SPACA1: variants seen among roughly 807,000 people sequenced by gnomAD.
SPACA1 encodes sperm acrosome associated 1.
In SPACA1, 17 loss-of-function variants were observed where a neutral mutation model predicts 32.6. The observed-to-expected ratio is 0.52, with a 90% CI of 0.36 to 0.78. SPACA1 has a LOEUF of 0.78. Ranked by LOEUF, SPACA1 falls within the 30% of genes least tolerant of loss-of-function variation. The pLI is 0.01. For synonymous variants in SPACA1, 140 were observed against 138.1 expected (o/e 1.01, Z -0.10); for missense variants, 363 against 373.4 (o/e 0.97, Z 0.23).
At chr6:88,058,866 T>G (rs768060792) in intron 4 of SPACA1, 44 bp downstream of exon 4, 5 of 1,353,498 alleles carry the variant, frequency 3.7e-6, no homozygotes, top group Non-Finnish European at 3.1e-6. Flanking sequence ...TAGTGAGTGA[T>G]AAAATTTGTT....
chr6:88,066,208 CA>C lies in SPACA1; in HGVS notation c.762del (p.Ala255ProfsTer13). The C allele has an allele frequency of 6.3e-7, 1 of 1,598,590 alleles. No individual in the cohort carries two copies. On this transcript the variant is annotated frameshift_variant, in exon 7 of 7. Coordinates refer to ENST00000237201, the MANE Select transcript of SPACA1 (RefSeq NM_030960.3). LOFTEE classifies it high-confidence loss of function. ...GCAGCAGTCAAGGCTTTCTGGGGGG[CA>C]AAAGCCTCTACACCTGAGGTACAAT... ...NWAAVKAFWGAKASTPEVQSE... is the reference protein window; with the variant it reads ...NWAAVKAFWGXKASTPEVQSE...
chr6:88,064,234 G>A lies in SPACA1; in HGVS notation c.731+15G>A. The A allele has an allele frequency of 6.2e-7, 1 of 1,604,000 alleles. No individual in the cohort carries two copies. On this transcript the variant is annotated intron_variant, in intron 6 of 6. Transcript: ENST00000237201. ...ATCATAAATTGGTAGGTGAATAGTG[G>A]AATGCATCATCACCCTTGATTGACA...
At chr6:88,056,693 G>A (rs1379149528) in intron 2 of SPACA1, among the ~76,000 whole-genome samples, 4 of 152,114 alleles carry the variant, frequency 2.6e-5, no homozygotes, top group Admixed American at 2.0e-4. Flanking sequence ...ATCGTAGAGG[G>A]GCTGGAAGAG....
rs1167130734 is a variant in SPACA1, at chr6:88,059,540, A to G, written c.562A>G (p.Asn188Asp). 2 of 1,613,696 alleles carry G rather than the reference A, an allele frequency of 1.2e-6. No homozygotes were observed. The highest frequency in any genetic ancestry group is 1.7e-6 in the Non-Finnish European group (2 of 1,179,804). Residue 188 changes from asparagine to aspartate, a missense_variant, in exon 5 of 7, where the codon AAT becomes GAT. Asn to Asp is a conservative substitution (Grantham distance 23, BLOSUM62 1). Transcript: ENST00000237201. ...GGCTTTCGAGTGTGACACACTGGATAATAATGAAATAGTAGCAACTATTAA... is the reference window on the plus strand; with the variant it reads ...GGCTTTCGAGTGTGACACACTGGATGATAATGAAATAGTAGCAACTATTAA... The part of the protein sequence containing the change: ...PLAFECDTLD[N>D]NEIVATIKFT...
chr6:88,055,408 G>T (rs1355918652), intron 2 of SPACA1, among the ~76,000 whole-genome samples: 1 of 152,092 alleles, frequency 6.6e-6, no homozygotes. Context: ...AACATGTAAT[G>T]TATCAGATGG....
chr6:88,052,532 G>A (rs1447559059), intron 1 of SPACA1, among the ~76,000 whole-genome samples: 1 of 152,152 alleles, frequency 6.6e-6, no homozygotes, highest in African/African-American at 2.4e-5. Context: ...GGTGCTTACT[G>A]AGTATGCAAG....
chr6:88,062,324 A>C (rs530688915), intron 5 of SPACA1, among the ~76,000 whole-genome samples: 1 of 152,324 alleles, frequency 6.6e-6, no homozygotes, highest in African/African-American at 2.4e-5. Flanking sequence ...GTACTTATCA[A>C]AATCAAAGTA....
rs1775768728 is a variant in SPACA1 at position 88,053,982 on chromosome 6, G to T, written c.245G>T (p.Gly82Val). Reference sequence around the variant, plus strand: ...AATGTCGTCAAAGAAGTAGAATTCGGAATGTGCACCGTTACATGTGGTAAG... The same window carrying T: ...AATGTCGTCAAAGAAGTAGAATTCGTAATGTGCACCGTTACATGTGGTAAG... ...NRNVVKEVEFGMCTVTCGIGV... is the reference protein window; with the variant it reads ...NRNVVKEVEFVMCTVTCGIGV... The change falls in exon 2 of 7, where the codon GGA (glycine) becomes GTA (valine). Residue 82 changes from glycine (G) to valine (V), a missense_variant. Physicochemically the swap from Gly to Val is moderately radical, Grantham distance 109. Transcript: ENST00000237201. The T allele has an allele frequency of 1.9e-6, 3 of 1,613,382 alleles. No homozygotes were observed. The highest frequency in any genetic ancestry group is 2.2e-5 in the East Asian group (1 of 44,844).
chr6:88,056,386 G>C (rs976840617), intron 2 of SPACA1, among the ~76,000 whole-genome samples: 1 of 152,034 alleles, frequency 6.6e-6, no homozygotes, highest in Non-Finnish European at 1.5e-5. Context: ...AAGTGGAGCC[G>C]TACTTCAGCC....
rs182136112 is a variant in SPACA1 at position 88,050,632 on chromosome 6, T to C, written c.208+2519T>C. Among the ~76,000 whole-genome samples, 80 of 152,396 alleles carry C rather than the reference T, an allele frequency of 5.2e-4. 1 individual carries two copies. Among genetic ancestry groups the C allele is most frequent in the Admixed American group, 2.6e-4 (4 of 15,308 alleles). ...ACTTCTTTTGTATCTTCTTGAAAGA[T>C]GATGCAATATCTTGGGCAAAGCAAT... On this transcript the variant is annotated intron_variant, in intron 1 of 6. Coordinates refer to ENST00000237201, the MANE Select transcript of SPACA1 (RefSeq NM_030960.3).
In SPACA1 at chr6:88,058,791, A is replaced by C. The variant is rs373703154; in HGVS notation, c.443A>C (p.Lys148Thr). 64 of 1,613,358 alleles carry C rather than the reference A, an allele frequency of 4.0e-5. No homozygotes were observed. The highest frequency in any genetic ancestry group is 5.4e-5 in the Non-Finnish European group (64 of 1,179,562). The change falls in exon 4 of 7, where the codon AAA becomes ACA. Residue 148 changes from lysine to threonine, a missense_variant. Coordinates refer to ENST00000237201, the MANE Select transcript of SPACA1 (RefSeq NM_030960.3). ...CIHTSPLNRF[K>T]YMWKLLRQDQ... is the part of the protein sequence containing the mutation. ...CACACATCTCCCTTAAATCGTTTCA[A>C]ATATATGTGGAAACTTCTAAGACAA...
Position 88,047,886 on chromosome 6 carries a change from G to C in SPACA1, c.-20G>C. The C allele has an allele frequency of 6.6e-7, 1 of 1,518,232 alleles. No homozygotes were observed. Among genetic ancestry groups the C allele is most frequent in the Non-Finnish European group, 8.9e-7 (1 of 1,129,896 alleles). 94.0% of individuals were successfully genotyped at this position (1,518,232 alleles called of 1,614,324 possible). ...CCGCGGCGGCGACTGCGCCTCGGAC[G>C]GCCGTCGGGGCCGAGAACCATGAGC... is the stretch of plus-strand genomic sequence containing the variant. On this transcript the variant is annotated 5_prime_UTR_variant, in exon 1 of 7. Coordinates refer to ENST00000237201, the MANE Select transcript of SPACA1 (RefSeq NM_030960.3).
intron 1 of SPACA1, among the ~76,000 whole-genome samples, chr6:88,050,061 T>C (rs1004520015): frequency 6.6e-6 from 1 of 152,240 alleles, no homozygotes; most frequent in African/African-American, 2.4e-5. Flanking sequence ...CAATGAATTT[T>C]ACTCATTTCT....
At chr6:88,059,633 A>G (rs1775862627) in intron 5 of SPACA1, 45 bp downstream of exon 5, 1 of 1,547,822 alleles carries the variant, frequency 6.5e-7, no homozygotes, top group Non-Finnish European at 8.7e-7. Flanking sequence ...GCCAATCTTT[A>G]AAGAGCATTA....
upstream of SPACA1, among the ~76,000 whole-genome samples, chr6:88,047,519 C>G (rs1775654493): frequency 6.6e-6 from 1 of 152,162 alleles, no homozygotes; most frequent in African/African-American, 2.4e-5. Context: ...AGAAAGCAGG[C>G]AGGGTGAGCG....
chr6:88,047,753 A>G (rs1582264794), upstream of SPACA1: 1 of 762,466 alleles, frequency 1.3e-6, no homozygotes, highest in East Asian at 2.8e-5. Context: ...TCAGCACCGG[A>G]GCAGCGCCCC....
chr6:88,053,235 A>C (rs1372409694), intron 1 of SPACA1, among the ~76,000 whole-genome samples: 2 of 152,238 alleles, frequency 1.3e-5, no homozygotes, highest in Non-Finnish European at 2.9e-5. Flanking sequence ...GCCTTTTGAA[A>C]GTCATCTTCT....
rs1268307868 is a variant in SPACA1 at position 88,047,881 on chromosome 6, C to CGGACG, written c.-23_-19dup. On this transcript the variant is annotated 5_prime_UTR_variant, in exon 1 of 7. Coordinates refer to ENST00000237201, the MANE Select transcript of SPACA1 (RefSeq NM_030960.3). Reference sequence around the variant, plus strand: ...AGGAGCCGCGGCGGCGACTGCGCCTCGGACGGCCGTCGGGGCCGAGAACCA... The same window carrying CGGACG: ...AGGAGCCGCGGCGGCGACTGCGCCTCGGACGGGACGGCCGTCGGGGCCGAGAACCA... 2 of 1,513,890 alleles carry CGGACG rather than the reference C, an allele frequency of 1.3e-6. No homozygotes were observed. Among genetic ancestry groups the CGGACG allele is most frequent in the Non-Finnish European group, 1.8e-6 (2 of 1,128,350 alleles). 93.8% of individuals were successfully genotyped at this position (1,513,890 alleles called of 1,614,324 possible). A position where few individuals can be genotyped will look rare whatever the true frequency, so the allele number is the denominator to read the frequency against.
rs945519365 is a variant in SPACA1, at chr6:88,066,109, A to T, written c.732-73A>T. The T allele has an allele frequency of 6.6e-6, 8 of 1,219,934 alleles. No individual in the cohort carries two copies. In the African/African-American group the frequency reaches 1.2e-4, roughly 19 times the overall value. The allele number at this position is 1,219,934 out of a possible 1,614,324, so 75.6% of individuals were successfully genotyped here. On this transcript the variant is annotated intron_variant, in intron 6 of 6. Transcript: ENST00000237201. ...CACATATATATATATTTCTATACATAGAAAATATAGAAATCTATTCAGTTT... is the reference window on the plus strand; with the variant it reads ...CACATATATATATATTTCTATACATTGAAAATATAGAAATCTATTCAGTTT...
Sources: gnomAD v4.1 joint callset for allele counts (sites outside exome capture counted in the v4.1 genomes callset) on GRCh38, gnomAD v4.1.1 for gene constraint, MANE v1.5 for transcripts, NCBI Gene and HGNC (gene_info 2026-07-23, HGNC 2026-07-21) for gene names.